LRRC4C: variants seen among roughly 807,000 people sequenced by gnomAD.
The protein encoded by LRRC4C is leucine-rich repeat-containing protein 4C.
LRRC4C carries 5 observed loss-of-function variants against 33.6 expected under a neutral mutation model. That is an observed-to-expected ratio of 0.15 (90% CI 0.08 to 0.31). LRRC4C has a LOEUF of 0.31. LRRC4C is among the 10% of genes least tolerant of loss of function. The pLI, the probability that LRRC4C is intolerant of heterozygous loss-of-function variation, is 1.00. For synonymous variants in LRRC4C, 329 were observed against 302.0 expected, an observed-to-expected ratio of 1.09 and a Z score of -0.93; for missense variants, 560 against 796.7, an observed-to-expected ratio of 0.70 and a Z score of 3.58.
At chr11:40,463,232 G>T (rs1952487800) in intron 3 of LRRC4C, among the ~76,000 whole-genome samples, 1 of 151,884 alleles carries the variant, frequency 6.6e-6, no homozygotes, top group African/African-American at 2.4e-5. Context: ...TAGAAGTACA[G>T]AAGCATAGAA....
chr11:41,054,792 A>C (rs996992336), intron 1 of LRRC4C, among the ~76,000 whole-genome samples: 2 of 152,204 alleles, frequency 1.3e-5, no homozygotes, highest in Non-Finnish European at 2.9e-5. Flanking sequence ...TGTACAGTCC[A>C]GAAGAAAAGC....
At chr11:40,549,003 C>T (rs936600171) in intron 3 of LRRC4C, among the ~76,000 whole-genome samples, 4 of 152,108 alleles carry the variant, frequency 2.6e-5, no homozygotes, top group Non-Finnish European at 5.9e-5. Flanking sequence ...CTTTACTACC[C>T]TAGTTAAAGC....
rs1952979774 is a variant in LRRC4C at position 40,842,942 on chromosome 11, G to T, written c.-407+90693C>A. On this transcript the variant is annotated intron_variant, in intron 2 of 6. Coordinates refer to ENST00000528697, the MANE Select transcript of LRRC4C (RefSeq NM_001258419.2). ...TGACACTTCTTACCCATTAGAGCAG[G>T]GTATAATACAGCACTGTGAGCACAG... Among the ~76,000 whole-genome samples, 3 of 152,054 alleles carry T rather than the reference G, an allele frequency of 2.0e-5. No individual in the cohort carries two copies. In the South Asian group the frequency reaches 6.2e-4, roughly 31 times the overall value.
intron 3 of LRRC4C, among the ~76,000 whole-genome samples, chr11:40,388,614 A>G (rs1004086741): frequency 5.9e-5 from 9 of 152,204 alleles, no homozygotes; most frequent in Non-Finnish European, 1.2e-4. Context: ...TCGTGTGAGT[A>G]AGGAATGAGT....
chr11:41,340,404 G>C (rs978699498), intron 1 of LRRC4C, among the ~76,000 whole-genome samples: 1 of 152,116 alleles, frequency 6.6e-6, no homozygotes, highest in East Asian at 1.9e-4. Flanking sequence ...GGGGCATAAG[G>C]CACCCTGAAT....
intron 1 of LRRC4C, among the ~76,000 whole-genome samples, chr11:41,021,613 C>T (rs1382261334): frequency 1.3e-5 from 2 of 152,026 alleles, no homozygotes; most frequent in Non-Finnish European, 2.9e-5. Flanking sequence ...TCTCAAGATA[C>T]AGCCCCCATG....
chr11:41,151,615 G>A (rs1002357780), intron 1 of LRRC4C, among the ~76,000 whole-genome samples: 6 of 152,084 alleles, frequency 3.9e-5, no homozygotes, highest in African/African-American at 1.4e-4. Flanking sequence ...ATTTGTAAAG[G>A]TTTCATAGAC....
intron 1 of LRRC4C, among the ~76,000 whole-genome samples, chr11:41,289,373 G>C (rs979918014): frequency 6.6e-6 from 1 of 152,104 alleles, no homozygotes; most frequent in African/African-American, 2.4e-5. Flanking sequence ...ATGGTTCTAT[G>C]GACTAAATTA....
chr11:41,317,981 A>G (rs752645848), intron 1 of LRRC4C, among the ~76,000 whole-genome samples: 3 of 152,180 alleles, frequency 2.0e-5, no homozygotes, highest in Non-Finnish European at 4.4e-5. Context: ...GTATATGCCT[A>G]ATAATAAGGA....
chr11:41,072,281 T>TCATTGTTC (rs771392938), intron 1 of LRRC4C, among the ~76,000 whole-genome samples: 1 of 137,324 alleles, frequency 7.3e-6, no homozygotes, highest in African/African-American at 2.8e-5. Flanking sequence ...GTGGCAAACA[T>TCATTGTTC]TGAAGACCCT....
intron 4 of LRRC4C, among the ~76,000 whole-genome samples, chr11:40,259,548 G>T (rs374037792): frequency 7.9e-5 from 12 of 150,968 alleles, no homozygotes; most frequent in Middle Eastern, 3.4e-3. Flanking sequence ...GTTTTAGGTC[G>T]AACGTTTAAG....
chr11:40,270,421 A>G (rs904243544), intron 4 of LRRC4C, among the ~76,000 whole-genome samples: 20 of 151,898 alleles, frequency 1.3e-4, no homozygotes, highest in African/African-American at 4.8e-4. Context: ...TCTTAAAAGG[A>G]CACCAGTCAT....
At chr11:41,308,304 AT>A (rs141955388) in intron 1 of LRRC4C, among the ~76,000 whole-genome samples, 9 of 151,408 alleles carry the variant, frequency 5.9e-5, no homozygotes, top group South Asian at 2.1e-4. Context: ...CTGGTGAAAG[AT>A]TTTTTTTTGC....
chr11:41,330,338 GTTTTA>G (rs1951253949), intron 1 of LRRC4C, among the ~76,000 whole-genome samples: 1 of 150,914 alleles, frequency 6.6e-6, no homozygotes, highest in African/African-American at 2.5e-5. Context: ...GTTTTGTTTT[GTTTTA>G]ATTATCTGTG....
intron 1 of LRRC4C, among the ~76,000 whole-genome samples, chr11:41,082,606 A>T (rs1939663653): frequency 6.6e-6 from 1 of 152,142 alleles, no homozygotes; most frequent in Admixed American, 6.6e-5. Context: ...ATGGCAAATA[A>T]GATTAAATAA....
At chr11:40,189,312 A>G (rs975128081) in intron 5 of LRRC4C, among the ~76,000 whole-genome samples, 2 of 152,204 alleles carry the variant, frequency 1.3e-5, no homozygotes, top group African/African-American at 4.8e-5. Context: ...ATTGGATTTT[A>G]AACAACCTCG....
At chr11:41,111,120 T>A (rs1220853933) in intron 1 of LRRC4C, among the ~76,000 whole-genome samples, 2 of 152,102 alleles carry the variant, frequency 1.3e-5, no homozygotes, top group Non-Finnish European at 1.5e-5. Flanking sequence ...GGCATTATTA[T>A]TATCGGCATT....
At chr11:40,617,137 A>G (rs1961941568) in intron 3 of LRRC4C, among the ~76,000 whole-genome samples, 1 of 151,708 alleles carries the variant, frequency 6.6e-6, no homozygotes, top group African/African-American at 2.4e-5. Context: ...GAGTTTATCC[A>G]TTTACATATC....
chr11:40,240,941 A>G (rs1170082084), intron 5 of LRRC4C, among the ~76,000 whole-genome samples: 1 of 152,222 alleles, frequency 6.6e-6, no homozygotes, highest in Non-Finnish European at 1.5e-5. Context: ...TCTAGGCCAC[A>G]TTCTAAAGTA....
Sources: gnomAD v4.1 joint callset for allele counts (sites outside exome capture counted in the v4.1 genomes callset) on GRCh38, gnomAD v4.1.1 for gene constraint, MANE v1.5 for transcripts, NCBI Gene and HGNC (gene_info 2026-07-23, HGNC 2026-07-21) for gene names.